Variants in YPEL2 observed in about 807,000 individuals in gnomAD.
YPEL2 encodes yippee like 2, also known as protein yippee-like 2.
YPEL2 carries 2 observed loss-of-function variants against 19.1 expected under a neutral mutation model. The observed-to-expected ratio is 0.10, with a 90% confidence interval of 0.04 to 0.33. The LOEUF is 0.33. Among genes scored for constraint, YPEL2 ranks in the 10% least tolerant of loss-of-function variants. YPEL2 has a pLI of 1.00. For synonymous variants in YPEL2, 52 were observed against 50.0 expected (o/e 1.04, Z -0.17); for missense variants, 66 against 140.7 (o/e 0.47, Z 2.68).
chr17:59,349,459 CGA>C (rs1567735504), intron 1 of YPEL2, among the ~76,000 whole-genome samples: 2 of 149,936 alleles, frequency 1.3e-5, no homozygotes, highest in African/African-American at 4.9e-5. Context: ...CTCAGCCTCT[CGA>C]GTAGCTGGGA....
rs145915384 is a variant in YPEL2 at position 59,353,714 on chromosome 17, T to C, written c.117+188T>C. On this transcript the variant is annotated intron_variant, in intron 2 of 4. Coordinates refer to ENST00000312655, the MANE Select transcript of YPEL2 (RefSeq NM_001005404.4). The surrounding 1 kb of genome is among the most constrained non-coding windows in gnomAD (Gnocchi z 4.8). Reference sequence around the variant, plus strand: ...TGGAGGGACAGAGTAGTCATTTAATTTGTTATTTTGGAAATGAGGTGTCAT... The same window carrying C: ...TGGAGGGACAGAGTAGTCATTTAATCTGTTATTTTGGAAATGAGGTGTCAT... 1.6e-6 allele frequency: 1 copy of C among 609,378 alleles called. No individual in the cohort carries two copies. Among genetic ancestry groups the C allele is most frequent in the Non-Finnish European group, 3.0e-6 (1 of 329,670 alleles). The allele number at this position is 609,378 out of a possible 1,614,324, so 37.7% of individuals were successfully genotyped here. A position where few individuals can be genotyped will look rare whatever the true frequency, so the allele number is the denominator to read the frequency against.
intron 2 of YPEL2, among the ~76,000 whole-genome samples, chr17:59,371,968 G>C (rs2047899461): frequency 6.6e-6 from 1 of 152,096 alleles, no homozygotes; most frequent in Non-Finnish European, 1.5e-5. Flanking sequence ...CTCTCTTCCT[G>C]TCACTTGTAA....
intron 1 of YPEL2, among the ~76,000 whole-genome samples, chr17:59,342,053 A>G (rs142610171): frequency 1.3e-5 from 2 of 152,310 alleles, no homozygotes; most frequent in African/African-American, 2.4e-5. Flanking sequence ...CCAAATTCCA[A>G]TTGCGGAAAG....
At chr17:59,378,742 A>G (rs2047934627) in intron 2 of YPEL2, among the ~76,000 whole-genome samples, 1 of 152,132 alleles carries the variant, frequency 6.6e-6, no homozygotes, top group Admixed American at 6.5e-5. Context: ...TTGGAATTTT[A>G]TGACTCCACA....
chr17:59,337,480 C>T (rs1386343671), intron 1 of YPEL2, among the ~76,000 whole-genome samples: 2 of 152,120 alleles, frequency 1.3e-5, no homozygotes, highest in East Asian at 1.9e-4. Flanking sequence ...TGAGCCACCG[C>T]GCCCGGCCGG....
At position 59,335,186 on chromosome 17, in the gene YPEL2, C is replaced by T. The variant is rs1451324649; in HGVS notation, c.-196+3362C>T. Among the ~76,000 whole-genome samples, 3 of 152,198 alleles carry T rather than the reference C, an allele frequency of 2.0e-5. No individual in the cohort carries two copies. The East Asian group carries it at 5.8e-4, about 29-fold the overall frequency. ...GTTGTTAGTTTTCAGTGACATTGTCCTTAACAAAAGGTGATACACTTGAGT... is the reference window on the plus strand; with the variant it reads ...GTTGTTAGTTTTCAGTGACATTGTCTTTAACAAAAGGTGATACACTTGAGT... On this transcript the variant is annotated intron_variant, in intron 1 of 4. Coordinates refer to ENST00000312655, the MANE Select transcript of YPEL2 (RefSeq NM_001005404.4).
chr17:59,349,066 C>T (rs960121681), intron 1 of YPEL2, among the ~76,000 whole-genome samples: 3 of 146,920 alleles, frequency 2.0e-5, no homozygotes, highest in Non-Finnish European at 4.5e-5. Flanking sequence ...CCCAGCTACT[C>T]GGGAGGCTGA....
rs2047762969 is a variant in YPEL2, at chr17:59,347,594, CT to C, written c.-195-5619del. Among the ~76,000 whole-genome samples the C allele has an allele frequency of 2.0e-5, 3 of 152,324 alleles. No individual in the cohort carries two copies. The South Asian group carries it at 6.2e-4, about 32-fold the overall frequency. On this transcript the variant is annotated intron_variant, in intron 1 of 4. Transcript: ENST00000312655. ...GCCAGGGCTGTATAAGTCAGAGATG[CT>C]TACCTTCAGGCTGTTGAGAGCATGG...
chr17:59,373,541 A>G (rs1194028507), intron 2 of YPEL2, among the ~76,000 whole-genome samples: 1 of 152,144 alleles, frequency 6.6e-6, no homozygotes, highest in Non-Finnish European at 1.5e-5. Flanking sequence ...CCCGTTTTCT[A>G]GGTGGCTAGA....
intron 2 of YPEL2, among the ~76,000 whole-genome samples, chr17:59,383,363 C>A (rs2047959606): frequency 6.6e-6 from 1 of 150,658 alleles, no homozygotes; most frequent in African/African-American, 2.4e-5. Context: ...CTTTGGGAGG[C>A]CAAGGCGGGT....
At chr17:59,334,499 G>T (rs2047689152) in intron 1 of YPEL2, among the ~76,000 whole-genome samples, 1 of 151,434 alleles carries the variant, frequency 6.6e-6, no homozygotes, top group East Asian at 1.9e-4. Flanking sequence ...CATTGTGATG[G>T]CCCAGTCCCT....
At chr17:59,334,035 T>C (rs1215780990) in intron 1 of YPEL2, among the ~76,000 whole-genome samples, 1 of 152,164 alleles carries the variant, frequency 6.6e-6, no homozygotes, top group African/African-American at 2.4e-5. Flanking sequence ...GGCACAGTAT[T>C]GTTTGTTCTC....
At chr17:59,369,283 A>G (rs1369534196) in intron 2 of YPEL2, among the ~76,000 whole-genome samples, 3 of 152,226 alleles carry the variant, frequency 2.0e-5, no homozygotes, top group Non-Finnish European at 2.9e-5. Flanking sequence ...TGCAGTCTTT[A>G]TGTATTTAGA....
At position 59,399,138 on chromosome 17, in the gene YPEL2, A is replaced by G. The variant is rs2048056551; in HGVS notation, c.*1948A>G. 1 of 152,596 alleles carries G rather than the reference A, an allele frequency of 6.6e-6. No homozygotes were observed. Among genetic ancestry groups the G allele is most frequent in the Non-Finnish European group, 1.5e-5 (1 of 68,036 alleles). 9.5% of individuals were successfully genotyped at this position (152,596 alleles called of 1,614,324 possible). On this transcript the variant is annotated 3_prime_UTR_variant, in exon 5 of 5. Coordinates refer to ENST00000312655, the MANE Select transcript of YPEL2 (RefSeq NM_001005404.4). ...ACTGAATTTCTGCTCCCAGAAGAAT[A>G]GTTTCTCTGGCTCACAGGCCCAAGT...
chr17:59,384,812 G>C (rs1292479705), intron 2 of YPEL2, among the ~76,000 whole-genome samples: 1 of 152,224 alleles, frequency 6.6e-6, no homozygotes, highest in East Asian at 1.9e-4. Context: ...GTCTGGCAGA[G>C]AGTCAGTGAT....
chr17:59,334,718 A>C (rs531047984), intron 1 of YPEL2, among the ~76,000 whole-genome samples: 1 of 152,178 alleles, frequency 6.6e-6, no homozygotes, highest in African/African-American at 2.4e-5. Context: ...TTCAAAAAGG[A>C]CTCTATCCAA....
chr17:59,386,704 C>T (rs73325143), intron 2 of YPEL2, among the ~76,000 whole-genome samples: 1,602 of 152,238 alleles, frequency 0.011, 28 homozygotes, highest in African/African-American at 0.036. Context: ...ATTGTCTTAT[C>T]CAAACACTCA....
chr17:59,386,428 G>A (rs1046168323), intron 2 of YPEL2, among the ~76,000 whole-genome samples: 1 of 152,156 alleles, frequency 6.6e-6, no homozygotes, highest in African/African-American at 2.4e-5. Context: ...TTTAGGGAAA[G>A]CTTAATGAAA....
chr17:59,345,558 T>C (rs2047751796), intron 1 of YPEL2, among the ~76,000 whole-genome samples: 1 of 152,116 alleles, frequency 6.6e-6, no homozygotes, highest in Non-Finnish European at 1.5e-5. Context: ...CAGTAAGTGA[T>C]GGAGTGGTCT....
Sources: allele counts gnomAD v4.1 joint callset (sites outside exome capture counted in the v4.1 genomes callset), GRCh38; gene constraint gnomAD v4.1.1; non-coding constraint Gnocchi (gnomAD v3.1); transcripts MANE v1.5; gene names NCBI Gene and HGNC (gene_info 2026-07-23, HGNC 2026-07-21).